TMEM67: variants seen among roughly 807,000 people sequenced by gnomAD.
The protein encoded by TMEM67 is meckelin.
TMEM67 carries 124 observed loss-of-function variants against 136.6 expected under a neutral mutation model. The ratio of observed to expected loss-of-function variants is 0.91; its 90% CI spans 0.78 to 1.05. TMEM67 has a LOEUF of 1.05. TMEM67 is among the 50% of genes least tolerant of loss of function. The pLI is 0.00. For missense variants in TMEM67, 1,107 were observed against 1,178.4 expected, an observed-to-expected ratio of 0.94 and a Z score of 0.89; for synonymous variants, 364 against 390.5, an observed-to-expected ratio of 0.93 and a Z score of 0.80.
At chr8:93,797,288 AAAG>A (rs1814664201) in intron 19 of TMEM67, 40 bp from the exon 20 acceptor site, 2 of 1,613,738 alleles carry the variant, frequency 1.2e-6, no homozygotes, top group East Asian at 4.5e-5. Flanking sequence ...CTTGCAGAGC[AAAG>A]GAGGTAAAAC....
chr8:93,767,921 A>C (rs1813151125), intron 6 of TMEM67, among the ~76,000 whole-genome samples: 1 of 140,244 alleles, frequency 7.1e-6, no homozygotes, highest in Non-Finnish European at 1.5e-5. Context: ...GCTGGAGTGC[A>C]ATGGCGCAAT....
chr8:93,786,257 C>A lies in TMEM67; in HGVS notation c.1323C>A (p.Arg441=). Residue 441 remains arginine (R), a synonymous_variant, in exon 13 of 28, where the codon CGC becomes CGA. Transcript: ENST00000453321. ...SNSGKWLLTR[R]IFLVDAVSGR... ...CTGGAAAGTGGCTTCTAACTCGGCG[C>A]ATTTTCTTAGTGGATGCAGTAAGTG... is the stretch of plus-strand genomic sequence containing the variant. 1 of 1,614,026 alleles carries A rather than the reference C, an allele frequency of 6.2e-7. No individual in the cohort carries two copies.
chr8:93,781,631 C>A, intron 9 of TMEM67, 27 bp from the exon 10 acceptor site: 1 of 1,173,962 alleles, frequency 8.5e-7, no homozygotes, highest in Non-Finnish European at 1.3e-6. Flanking sequence ...AGTATTTGAC[C>A]TGATTTTGCT....
chr8:93,779,403 T>C lies in TMEM67; in HGVS notation c.715-1190T>C, dbSNP rs144805221. Among the ~76,000 whole-genome samples, 582 of 152,324 alleles carry C rather than the reference T, an allele frequency of 3.8e-3. 6 individuals are homozygous for C. The highest frequency in any genetic ancestry group is 0.014 in the African/African-American group (568 of 41,582). Reference sequence around the variant, plus strand: ...CCATCCAGCTTTGTTCTGTTGCTGGTGAGGAGCTGCATTCCTTTGGAAGAG... The same window carrying C: ...CCATCCAGCTTTGTTCTGTTGCTGGCGAGGAGCTGCATTCCTTTGGAAGAG... On this transcript the variant is annotated intron_variant, in intron 7 of 27. Transcript: ENST00000453321.
Position 93,787,937 on chromosome 8 carries a change from C to G in TMEM67, c.1506C>G (p.Ser502Arg). The change falls in exon 14 of 28, where the codon AGC becomes AGG. Residue 502 changes from serine to arginine, a missense_variant. By Grantham distance (110) the Ser-to-Arg change is moderately radical. Around this residue, in one of 3 missense-constraint regions of TMEM67, gnomAD observed 925 missense variants for 1,002.4 expected, o/e 0.92. Coordinates refer to ENST00000453321, the MANE Select transcript of TMEM67 (RefSeq NM_153704.6). ...YSDIDIKDAN[S>R]QSVKVSFSVT... ...ACATTGATATCAAAGATGCCAACAG[C>G]CAGTCTGTGAAGGTGAGTTCCTGAC... The G allele has an allele frequency of 6.2e-7, 1 of 1,612,588 alleles. No individual in the cohort carries two copies. Among genetic ancestry groups the G allele is most frequent in the South Asian group, 1.1e-5 (1 of 91,062 alleles).
At chr8:93,758,839 T>A (rs1311464425) in intron 3 of TMEM67, 1 of 398,096 alleles carries the variant, frequency 2.5e-6, no homozygotes, top group East Asian at 4.8e-5. Flanking sequence ...CCTCGAGAGA[T>A]CTTCCTGCCT....
At chr8:93,820,787 G>C (rs1404740718), downstream of TMEM67, among the ~76,000 whole-genome samples, 1 of 152,162 alleles carries the variant, frequency 6.6e-6, no homozygotes, top group African/African-American at 2.4e-5. Context: ...ATTTAGTGCA[G>C]AAAGAGAGAC....
downstream of TMEM67, chr8:93,819,263 A>G: frequency 2.4e-6 from 1 of 419,346 alleles, no homozygotes; most frequent in East Asian, 7.2e-5. Flanking sequence ...ATAACTGACC[A>G]ATGAAAATTC....
chr8:93,798,094 C>T (rs1395594949), intron 20 of TMEM67, among the ~76,000 whole-genome samples: 1 of 152,158 alleles, frequency 6.6e-6, no homozygotes, highest in African/African-American at 2.4e-5. Flanking sequence ...AAACTCTATA[C>T]CCCTTAAACA....
chr8:93,781,728 A>G lies in TMEM67; in HGVS notation c.1049A>G (p.Glu350Gly). The stretch of plus-strand genomic sequence containing the variant: ...AATTTTCTCAAGTGGCAAACTTTAG[A>G]AGGAGGTGTTTTACAGGTAAGCATG... Reference protein sequence around the residue: ...RGNFLKWQTLEGGVLQLCPDT... With the variant: ...RGNFLKWQTLGGGVLQLCPDT... The change falls in exon 10 of 28, where the codon GAA becomes GGA. Residue 350 changes from glutamate (E) to glycine (G), a missense_variant. Around this residue, in one of 3 missense-constraint regions of TMEM67, gnomAD observed 925 missense variants for 1,002.4 expected, o/e 0.92. Coordinates refer to ENST00000453321, the MANE Select transcript of TMEM67 (RefSeq NM_153704.6). The G allele has an allele frequency of 6.2e-7, 1 of 1,605,572 alleles. No homozygotes were observed. Among genetic ancestry groups the G allele is most frequent in the East Asian group, 2.2e-5 (1 of 44,722 alleles).
intron 16 of TMEM67, chr8:93,794,728 T>C (rs4345532): frequency 0.04 from 6,149 of 153,762 alleles, 403 homozygotes; most frequent in African/African-American, 0.14. Flanking sequence ...GTTCATTCTA[T>C]AATAGTCACT....
intron 6 of TMEM67, 96 bp from the exon 7 acceptor site, chr8:93,772,493 T>C (rs1389514941): frequency 7.7e-6 from 7 of 904,614 alleles, no homozygotes; most frequent in Non-Finnish European, 9.1e-6. Flanking sequence ...GTTTTTCTAC[T>C]AACATTGTGA....
At chr8:93,805,537 C>T (rs932593696) in intron 23 of TMEM67, among the ~76,000 whole-genome samples, 6 of 150,064 alleles carry the variant, frequency 4.0e-5, no homozygotes, top group Non-Finnish European at 8.9e-5. Context: ...GCCGAGATTG[C>T]GCCACCGCAC....
At position 93,755,816 on chromosome 8, in the gene TMEM67, T is replaced by A; in HGVS notation, c.262T>A (p.Ser88Thr). Residue 88 changes from serine to threonine, a missense_variant, in exon 2 of 28, where the codon TCT (serine) becomes ACT (threonine). By Grantham distance (58) the Ser-to-Thr change is moderately conservative. Transcript: ENST00000453321. ...ATGTCTACCAGGATTTCAGATGATCTCTAATAATGGAGGACCTGCTATTAT... is the reference window on the plus strand; with the variant it reads ...ATGTCTACCAGGATTTCAGATGATCACTAATAATGGAGGACCTGCTATTAT... Reference protein sequence around the residue: ...CVCLPGFQMISNNGGPAIICK... With the variant: ...CVCLPGFQMITNNGGPAIICK... 2 of 1,530,636 alleles carry A rather than the reference T, an allele frequency of 1.3e-6. No homozygotes were observed. Among genetic ancestry groups the A allele is most frequent in the East Asian group, 2.3e-5 (1 of 43,654 alleles). The allele number at this position is 1,530,636 out of a possible 1,614,324, so 94.8% of individuals were successfully genotyped here. A position where few individuals can be genotyped will look rare whatever the true frequency, so the allele number is the denominator to read the frequency against.
intron 18 of TMEM67, among the ~76,000 whole-genome samples, chr8:93,796,538 G>A (rs1814626637): frequency 6.6e-6 from 1 of 152,122 alleles, no homozygotes. Context: ...AGCTTCTTGA[G>A]GTGAAGTATC....
At chr8:93,809,713 T>C in intron 25 of TMEM67, 72 bp from the exon 26 acceptor site, 1 of 894,110 alleles carries the variant, frequency 1.1e-6, no homozygotes, top group South Asian at 1.4e-5. Context: ...TCTCTCCTGC[T>C]GATTTTACAT....
At chr8:93,800,124 T>C (rs953363149) in intron 21 of TMEM67, among the ~76,000 whole-genome samples, 2 of 152,122 alleles carry the variant, frequency 1.3e-5, no homozygotes, top group African/African-American at 2.4e-5. Flanking sequence ...TTGGTCAGGC[T>C]GGTCTTGAAC....
At chr8:93,796,077 G>A (rs2130730319) in intron 18 of TMEM67, 90 bp downstream of exon 18, 2 of 901,358 alleles carry the variant, frequency 2.2e-6, no homozygotes, top group East Asian at 2.4e-5. Flanking sequence ...AAAATCTTTG[G>A]CGTGAAATTC....
At chr8:93,770,616 A>T (rs1813287397) in intron 6 of TMEM67, among the ~76,000 whole-genome samples, 2 of 152,182 alleles carry the variant, frequency 1.3e-5, no homozygotes, top group Admixed American at 1.3e-4. Flanking sequence ...AGACTCAGTG[A>T]AACATATTTT....
Sources: gnomAD v4.1 joint callset for allele counts (sites outside exome capture counted in the v4.1 genomes callset) on GRCh38, gnomAD v4.1.1 for gene constraint, gnomAD v4.1.1 regional missense constraint, MANE v1.5 for transcripts, NCBI Gene and HGNC (gene_info 2026-07-23, HGNC 2026-07-21) for gene names.